Variants in CDH23 observed in about 807,000 individuals in gnomAD.
The protein encoded by CDH23 is cadherin related 23.
A neutral mutation model predicts 317.1 loss-of-function variants in CDH23; 189 were observed. The ratio of observed to expected loss-of-function variants is 0.60; its 90% CI spans 0.53 to 0.67. The LOEUF is 0.67. CDH23 is among the 30% of genes least tolerant of loss of function. The pLI, the probability that CDH23 is intolerant of heterozygous loss-of-function variation, is 0.00. For synonymous variants in CDH23, 1,839 were observed against 1,876.8 expected (o/e 0.98, Z 0.52); for missense variants, 4,401 against 4,592.4 (o/e 0.96, Z 1.20).
chr10:71,615,240 T>C (rs1178977807), intron 9 of CDH23, among the ~76,000 whole-genome samples: 1 of 152,120 alleles, frequency 6.6e-6, no homozygotes, highest in Admixed American at 6.5e-5. Flanking sequence ...AAACCAAGAC[T>C]TTCTCCCTGG....
intron 38 of CDH23, chr10:71,752,146 A>C: frequency 3.4e-6 from 2 of 582,254 alleles, no homozygotes; most frequent in Non-Finnish European, 3.2e-6. Flanking sequence ...GAAGCCAAAA[A>C]TCACAGACAC....
chr10:71,465,920 A>G (rs2185415), intron 3 of CDH23, among the ~76,000 whole-genome samples: 92,467 of 151,992 alleles, frequency 0.61, 28,504 homozygotes, highest in East Asian at 0.82. Context: ...AGAAAGTCAT[A>G]ATTTTTCTCC....
intron 11 of CDH23, among the ~76,000 whole-genome samples, chr10:71,624,610 G>C (rs1413405744): frequency 6.6e-6 from 1 of 152,140 alleles, no homozygotes; most frequent in Non-Finnish European, 1.5e-5. Flanking sequence ...TGAGGCAGGA[G>C]GATTGCTTCA....
intron 6 of CDH23, among the ~76,000 whole-genome samples, chr10:71,531,229 T>C (rs1490160200): frequency 1.3e-5 from 2 of 152,142 alleles, no homozygotes; most frequent in African/African-American, 4.8e-5. Flanking sequence ...TACCAGGGTT[T>C]ATAAAGAGCA....
chr10:71,487,343 C>G (rs764919531), intron 3 of CDH23, among the ~76,000 whole-genome samples: 1 of 152,300 alleles, frequency 6.6e-6, no homozygotes, highest in South Asian at 2.1e-4. Flanking sequence ...CAGAAATCCT[C>G]ATATAACTTT....
At chr10:71,732,680 C>G in intron 32 of CDH23, 2 of 1,337,420 alleles carry the variant, frequency 1.5e-6, no homozygotes, top group Non-Finnish European at 9.6e-7. Context: ...CCCTGTAACA[C>G]ATCCATTTTC....
At chr10:71,666,266 G>A (rs754153430) in intron 14 of CDH23, among the ~76,000 whole-genome samples, 7 of 151,874 alleles carry the variant, frequency 4.6e-5, no homozygotes, top group Non-Finnish European at 8.8e-5. Flanking sequence ...GAGCAGGCAC[G>A]AGAGCCTTTT....
At chr10:71,682,854 C>T (rs917868662) in intron 18 of CDH23, among the ~76,000 whole-genome samples, 5 of 152,202 alleles carry the variant, frequency 3.3e-5, no homozygotes, top group Non-Finnish European at 5.9e-5. Context: ...AGGACACCCT[C>T]GGTGGGGAAC....
intron 1 of CDH23, among the ~76,000 whole-genome samples, chr10:71,400,660 G>C (rs921345717): frequency 6.6e-6 from 1 of 152,114 alleles, no homozygotes; most frequent in Non-Finnish European, 1.5e-5. Context: ...TTACCCAGAC[G>C]TGGTGGTGGG....
rs1227051 is a variant in CDH23, at chr10:71,741,799, G to A, written c.4723G>A (p.Ala1575Thr). The change falls in exon 38 of 70, where the codon GCC becomes ACC. Residue 1575 changes from alanine (A) to threonine (T), a missense_variant. Physicochemically the swap from Ala to Thr is moderately conservative, Grantham distance 58. Around this residue, in one of 3 missense-constraint regions of CDH23, gnomAD observed 3,068 missense variants for 3,203.3 expected, o/e 0.96. Coordinates refer to ENST00000224721, the MANE Select transcript of CDH23 (RefSeq NM_022124.6). ...YYITEGNKDM[A>T]FRMDRISGEI... Reference sequence around the variant, plus strand: ...CATCACCGAGGGCAACAAGGACATGGCCTTCCGCATGGACCGCATCAGCGG... The same window carrying A: ...CATCACCGAGGGCAACAAGGACATGACCTTCCGCATGGACCGCATCAGCGG... 0.77 allele frequency: 1,243,036 copies of A among 1,611,736 alleles called. 481,005 individuals carry two copies. The highest frequency in any genetic ancestry group is 0.82 in the East Asian group (36,894 of 44,808).
At chr10:71,453,193 G>A (rs368789708) in intron 3 of CDH23, among the ~76,000 whole-genome samples, 3 of 152,358 alleles carry the variant, frequency 2.0e-5, no homozygotes, top group East Asian at 3.9e-4. Context: ...CTTGTCAAGA[G>A]CCATTAAGGT....
At chr10:71,601,479 C>T (rs956813644) in intron 9 of CDH23, among the ~76,000 whole-genome samples, 2 of 152,200 alleles carry the variant, frequency 1.3e-5, no homozygotes, top group African/African-American at 2.4e-5. Context: ...AACTTGCCCA[C>T]GGTCACACAG....
intron 3 of CDH23, among the ~76,000 whole-genome samples, chr10:71,482,047 AG>A (rs914029242): frequency 6.6e-6 from 1 of 152,058 alleles, no homozygotes; most frequent in Non-Finnish European, 1.5e-5. Flanking sequence ...AGCCTGACTG[AG>A]GCCCTTCGCA....
intron 38 of CDH23, chr10:71,749,948 G>C (rs748504): frequency 6.6e-6 from 1 of 152,022 alleles, no homozygotes; most frequent in Non-Finnish European, 1.5e-5. Flanking sequence ...GCTCTCCACA[G>C]TACCTGGGGC....
intron 32 of CDH23, 63 bp downstream of exon 32, chr10:71,732,438 T>C (rs751135698): frequency 2.7e-5 from 41 of 1,544,764 alleles, no homozygotes; most frequent in Non-Finnish European, 3.4e-5. Flanking sequence ...TTGAGCTCCT[T>C]CTGTGTGCAC....
chr10:71,477,186 T>G (rs1851834688), intron 3 of CDH23, among the ~76,000 whole-genome samples: 2 of 152,166 alleles, frequency 1.3e-5, no homozygotes. Flanking sequence ...TTTGTTTTTT[T>G]GAAATGGAGT....
intron 9 of CDH23, among the ~76,000 whole-genome samples, chr10:71,588,181 C>T (rs1859211960): frequency 6.6e-6 from 1 of 152,202 alleles, no homozygotes; most frequent in Non-Finnish European, 1.5e-5. Flanking sequence ...TGATTCATGG[C>T]TTCCCTGGGG....
At chr10:71,766,144 C>A (rs12777729) in intron 38 of CDH23, among the ~76,000 whole-genome samples, 3 of 152,236 alleles carry the variant, frequency 2.0e-5, no homozygotes, top group Non-Finnish European at 2.9e-5. Flanking sequence ...AATTACAATT[C>A]TTTGGCGAGA....
intron 14 of CDH23, among the ~76,000 whole-genome samples, chr10:71,674,264 G>C (rs559075371): frequency 6.6e-6 from 1 of 152,130 alleles, no homozygotes; most frequent in South Asian, 2.1e-4. Context: ...GAAAATTCAG[G>C]CTTATCATAA....
Sources: allele counts gnomAD v4.1 joint callset (sites outside exome capture counted in the v4.1 genomes callset), GRCh38; gene constraint gnomAD v4.1.1; regional missense constraint gnomAD v4.1.1; transcripts MANE v1.5; gene names NCBI Gene and HGNC (gene_info 2026-07-23, HGNC 2026-07-21).